CTNNA3: variants seen among roughly 807,000 people sequenced by gnomAD.
CTNNA3 encodes catenin alpha-3.
In CTNNA3, 76 loss-of-function variants were observed where a neutral mutation model predicts 95.7. That is an observed-to-expected ratio of 0.79 (90% CI 0.66 to 0.96). The LOEUF (loss-of-function observed/expected upper bound fraction) is 0.96. CTNNA3 is among the 40% of genes least tolerant of loss of function. The pLI, the probability that CTNNA3 is intolerant of heterozygous loss-of-function variation, is 0.00. For missense variants in CTNNA3, 1,191 were observed against 1,089.8 expected, an observed-to-expected ratio of 1.09 and a Z score of -1.31; for synonymous variants, 431 against 374.4, an observed-to-expected ratio of 1.15 and a Z score of -1.74.
At chr10:66,583,043 T>C (rs148914627) in intron 10 of CTNNA3, among the ~76,000 whole-genome samples, 29 of 152,054 alleles carry the variant, frequency 1.9e-4, no homozygotes, top group African/African-American at 7.0e-4. Context: ...GGTTTGCTAC[T>C]ATTTTGTTGA....
intron 7 of CTNNA3, among the ~76,000 whole-genome samples, chr10:66,860,116 T>C (rs909546013): frequency 2.7e-5 from 4 of 150,530 alleles, no homozygotes; most frequent in South Asian, 2.1e-4. Flanking sequence ...TGTATACATA[T>C]GTAACTAACC....
chr10:67,127,706 G>T (rs562473630), intron 7 of CTNNA3, among the ~76,000 whole-genome samples: 3 of 152,208 alleles, frequency 2.0e-5, no homozygotes, highest in South Asian at 2.1e-4. Flanking sequence ...GTACAGTCAA[G>T]CTCCTTTTCA....
chr10:67,132,828 G>A (rs1208452722), intron 7 of CTNNA3, among the ~76,000 whole-genome samples: 1 of 151,914 alleles, frequency 6.6e-6, no homozygotes, highest in Non-Finnish European at 1.5e-5. Flanking sequence ...AAAGACAAAT[G>A]CCACACGTTC....
intron 7 of CTNNA3, among the ~76,000 whole-genome samples, chr10:66,848,007 G>A (rs10762115): frequency 6.6e-6 from 1 of 151,824 alleles, no homozygotes; most frequent in Non-Finnish European, 1.5e-5. Flanking sequence ...GAGATTAGGG[G>A]AGGAAACGAG....
Position 67,727,730 on chromosome 10 carries a change from T to C in CTNNA3, c.-2+35704A>G, listed in dbSNP as rs1311274328. The stretch of plus-strand genomic sequence containing the variant: ...ATAATATATATAAAACTAGTCACTG[T>C]TGAGGAAGTCATAGCTTACTTATAT... On this transcript the variant is annotated intron_variant, in intron 1 of 17. Coordinates refer to the CTNNA3 transcript ENST00000684154. Among the ~76,000 whole-genome samples the C allele has an allele frequency of 6.2e-5, 8 of 128,112 alleles. 1 individual carries two copies. The highest frequency in any genetic ancestry group is 9.0e-5 in the Admixed American group (1 of 11,110). 84.0% of individuals were successfully genotyped at this position (128,112 alleles called of 152,430 possible). A position where few individuals can be genotyped will look rare whatever the true frequency, so the allele number is the denominator to read the frequency against.
intron 5 of CTNNA3, among the ~76,000 whole-genome samples, chr10:67,471,085 G>C (rs1384955034): frequency 2.6e-5 from 4 of 152,010 alleles, no homozygotes; most frequent in African/African-American, 4.8e-5. Flanking sequence ...CCAAAGCACG[G>C]GGGGGTGGGG....
intron 5 of CTNNA3, among the ~76,000 whole-genome samples, chr10:67,242,355 T>C (rs1487480199): frequency 6.6e-6 from 1 of 152,252 alleles, no homozygotes; most frequent in Non-Finnish European, 1.5e-5. Context: ...AAATATGGCA[T>C]ATTTGTAGAC....
chr10:66,652,289 A>G (rs558928644), intron 9 of CTNNA3, among the ~76,000 whole-genome samples: 1 of 152,208 alleles, frequency 6.6e-6, no homozygotes, highest in South Asian at 2.1e-4. Flanking sequence ...AGACTCAAAT[A>G]ACATTATGAA....
intron 17 of CTNNA3, among the ~76,000 whole-genome samples, chr10:65,964,737 G>T (rs2133251161): frequency 6.6e-6 from 1 of 152,212 alleles, no homozygotes; most frequent in East Asian, 1.9e-4. Context: ...AAAGTAAATG[G>T]AAGAGTTTAT....
chr10:66,482,032 A>G (rs1259765756), intron 11 of CTNNA3, among the ~76,000 whole-genome samples: 1 of 152,140 alleles, frequency 6.6e-6, no homozygotes, highest in Non-Finnish European at 1.5e-5. Context: ...GTCTAAATTT[A>G]TGTGTATGTT....
chr10:66,623,854 A>G lies in CTNNA3; in HGVS notation c.1282-2070T>C, dbSNP rs1027431691. Reference sequence around the variant, plus strand: ...TTACATTTCAAATTTGAATGATTTTATGACATATTTTCTAATGTTACATCA... The same window carrying G: ...TTACATTTCAAATTTGAATGATTTTGTGACATATTTTCTAATGTTACATCA... On this transcript the variant is annotated intron_variant, in intron 9 of 17. Transcript: ENST00000433211. Among the ~76,000 whole-genome samples, 4 of 152,174 alleles carry G rather than the reference A, an allele frequency of 2.6e-5. No homozygotes were observed. In the East Asian group the frequency reaches 7.7e-4, roughly 29 times the overall value.
At chr10:66,545,083 C>T (rs1280582720) in intron 10 of CTNNA3, among the ~76,000 whole-genome samples, 7 of 151,846 alleles carry the variant, frequency 4.6e-5, no homozygotes, top group South Asian at 2.1e-4. Flanking sequence ...TAAAGTTGAA[C>T]GGGTAGGATA....
At chr10:66,305,019 T>C (rs1470354262) in intron 12 of CTNNA3, among the ~76,000 whole-genome samples, 1 of 152,144 alleles carries the variant, frequency 6.6e-6, no homozygotes, top group Admixed American at 6.6e-5. Flanking sequence ...TGCCTCTCCC[T>C]GGTGGCACAC....
chr10:67,609,090 C>CAAAAAAAA (rs397977100), intron 2 of CTNNA3, among the ~76,000 whole-genome samples: 20 of 79,648 alleles, frequency 2.5e-4, no homozygotes, highest in South Asian at 1.0e-3. Context: ...AACTCTATCT[C>CAAAAAAAA]AAAAAAAAAA....
intron 9 of CTNNA3, among the ~76,000 whole-genome samples, chr10:66,633,543 G>A (rs868827919): frequency 6.6e-6 from 1 of 152,012 alleles, no homozygotes. Flanking sequence ...AGCCGGGTGT[G>A]GTGGCGGGCA....
intron 13 of CTNNA3, among the ~76,000 whole-genome samples, chr10:66,105,461 C>G (rs2081854622): frequency 6.6e-6 from 1 of 152,130 alleles, no homozygotes; most frequent in Non-Finnish European, 1.5e-5. Context: ...GTGATCTATT[C>G]CTTATAAATG....
At chr10:66,350,930 T>C (rs1243275048) in intron 12 of CTNNA3, among the ~76,000 whole-genome samples, 1 of 152,042 alleles carries the variant, frequency 6.6e-6, no homozygotes, top group African/African-American at 2.4e-5. Flanking sequence ...CCAAATAGTC[T>C]TTAAATAACA....
chr10:66,280,513 T>A lies in CTNNA3; in HGVS notation c.1841A>T (p.Tyr614Phe). ...NQFVDISKKI[Y>F]DTIHDIRCSV... The stretch of plus-strand genomic sequence containing the variant: ...ACATCTGATATCATGAATTGTATCA[T>A]AGATCTTCTTTGAGATGTCCACAAA... Residue 614 changes from tyrosine to phenylalanine, a missense_variant, in exon 13 of 18, where the codon TAT becomes TTT. Coordinates refer to ENST00000433211, the MANE Select transcript of CTNNA3 (RefSeq NM_013266.4). 4 of 1,609,788 alleles carry A rather than the reference T, an allele frequency of 2.5e-6. No homozygotes were observed. The highest frequency in any genetic ancestry group is 3.4e-6 in the Non-Finnish European group (4 of 1,178,110).
At chr10:66,141,397 A>T (rs2083611567) in intron 13 of CTNNA3, among the ~76,000 whole-genome samples, 1 of 152,194 alleles carries the variant, frequency 6.6e-6, no homozygotes, top group African/African-American at 2.4e-5. Context: ...ACATTAAAGA[A>T]TATTGTTATT....
Sources: allele counts gnomAD v4.1 joint callset (sites outside exome capture counted in the v4.1 genomes callset), GRCh38; gene constraint gnomAD v4.1.1; transcripts MANE v1.5; gene names NCBI Gene and HGNC (gene_info 2026-07-23, HGNC 2026-07-21).